The following LRRTM3 variants were observed in gnomAD, a reference collection of about 807,000 sequenced individuals.
LRRTM3 encodes leucine-rich repeat transmembrane neuronal protein 3.
In LRRTM3, 24 loss-of-function variants were observed where a neutral mutation model predicts 44.7. That is an observed-to-expected ratio of 0.54 (90% CI 0.39 to 0.76). The LOEUF (loss-of-function observed/expected upper bound fraction) is 0.76. LRRTM3 is among the 30% of genes least tolerant of loss of function. The pLI is 0.00. For synonymous variants in LRRTM3, 277 were observed against 278.7 expected (o/e 0.99, Z 0.06); for missense variants, 587 against 702.2 (o/e 0.84, Z 1.85).
chr10:67,054,236 T>C (rs1855287700), intron 2 of LRRTM3, among the ~76,000 whole-genome samples: 1 of 152,060 alleles, frequency 6.6e-6, no homozygotes, highest in Admixed American at 6.5e-5. Context: ...ACCCCAATAA[T>C]ATAAATTTGT....
intron 2 of LRRTM3, among the ~76,000 whole-genome samples, chr10:66,961,379 T>C (rs1849101345): frequency 6.6e-6 from 1 of 152,172 alleles, no homozygotes; most frequent in Non-Finnish European, 1.5e-5. Context: ...TCCTCTTACT[T>C]GAACTGTCAG....
At chr10:67,085,364 T>G (rs969813196) in intron 2 of LRRTM3, among the ~76,000 whole-genome samples, 19 of 151,430 alleles carry the variant, frequency 1.3e-4, no homozygotes, top group Admixed American at 1.3e-3. Flanking sequence ...AAATGAACCC[T>G]AATTTGTAAA....
At chr10:66,945,528 G>T (rs10822949) in intron 2 of LRRTM3, among the ~76,000 whole-genome samples, 143,918 of 152,204 alleles carry the variant, frequency 0.95, 68,586 homozygotes, top group East Asian at 1. Context: ...CCACTAAAAT[G>T]TTCTCCATAT....
intron 2 of LRRTM3, among the ~76,000 whole-genome samples, chr10:66,995,052 C>G (rs1851253117): frequency 6.6e-6 from 1 of 152,168 alleles, no homozygotes; most frequent in Non-Finnish European, 1.5e-5. Flanking sequence ...ACTCCTAAAT[C>G]TAGATCTCTA....
intron 2 of LRRTM3, among the ~76,000 whole-genome samples, chr10:66,947,214 G>A (rs1848316681): frequency 6.6e-6 from 1 of 152,072 alleles, no homozygotes; most frequent in African/African-American, 2.4e-5. Context: ...TATGGCCCCA[G>A]GACAGTGTTG....
intron 2 of LRRTM3, among the ~76,000 whole-genome samples, chr10:67,070,808 T>G (rs1856408208): frequency 6.6e-6 from 1 of 152,158 alleles, no homozygotes; most frequent in African/African-American, 2.4e-5. Context: ...ACAAAGATTT[T>G]TCTGCTATGT....
In LRRTM3 at chr10:66,942,548, G is replaced by GTCTCTCTCTC. The variant is rs67598003; in HGVS notation, c.1536+14116_1536+14125dup. On this transcript the variant is annotated intron_variant, in intron 2 of 2. Transcript: ENST00000361320. The stretch of plus-strand genomic sequence containing the variant: ...TCTCTCTTTAAAACATTGCCATAAT[G>GTCTCTCTCTC]TCTCTCTCTCTCTCTCTCTCTCTCT... Among the ~76,000 whole-genome samples, 573 of 148,120 alleles carry GTCTCTCTCTC rather than the reference G, an allele frequency of 3.9e-3. 3 individuals are homozygous for GTCTCTCTCTC. The highest frequency in any genetic ancestry group is 0.014 in the African/African-American group (551 of 40,434).
intron 2 of LRRTM3, among the ~76,000 whole-genome samples, chr10:66,966,609 G>A (rs1849425896): frequency 6.6e-6 from 1 of 151,826 alleles, no homozygotes; most frequent in Admixed American, 6.6e-5. Flanking sequence ...AAATTTAATA[G>A]ATCATACACC....
At chr10:66,932,747 T>C (rs1158122525) in intron 2 of LRRTM3, among the ~76,000 whole-genome samples, 3 of 152,190 alleles carry the variant, frequency 2.0e-5, no homozygotes, top group Admixed American at 2.0e-4. Flanking sequence ...TTCCTAATCA[T>C]AATAGCCTAC....
At chr10:67,027,418 C>CT (rs1215556346) in intron 2 of LRRTM3, among the ~76,000 whole-genome samples, 1 of 145,292 alleles carries the variant, frequency 6.9e-6, no homozygotes, top group East Asian at 2.0e-4. Context: ...AATGACTTGC[C>CT]TTTTTTTTCT....
At chr10:66,949,404 C>T (rs1341172931) in intron 2 of LRRTM3, among the ~76,000 whole-genome samples, 1 of 151,896 alleles carries the variant, frequency 6.6e-6, no homozygotes, top group African/African-American at 2.4e-5. Context: ...TAAAAAAATA[C>T]AAAATTAGCC....
At chr10:66,933,719 T>C (rs1847535592) in intron 2 of LRRTM3, among the ~76,000 whole-genome samples, 1 of 151,852 alleles carries the variant, frequency 6.6e-6, no homozygotes, top group Admixed American at 6.6e-5. Flanking sequence ...AATCACTGGA[T>C]AAAAAGGGGT....
At chr10:66,966,659 A>G (rs1564800201) in intron 2 of LRRTM3, among the ~76,000 whole-genome samples, 1 of 152,108 alleles carries the variant, frequency 6.6e-6, no homozygotes, top group Non-Finnish European at 1.5e-5. Context: ...ACATTTAACC[A>G]AAATAAGATG....
At chr10:67,091,112 C>A (rs1857604193) in intron 2 of LRRTM3, among the ~76,000 whole-genome samples, 2 of 151,924 alleles carry the variant, frequency 1.3e-5, no homozygotes, top group Admixed American at 1.3e-4. Flanking sequence ...ATATAAAGGT[C>A]AAGCTTCATA....
intron 2 of LRRTM3, among the ~76,000 whole-genome samples, chr10:66,963,981 G>T (rs1353336129): frequency 6.6e-6 from 1 of 151,834 alleles, no homozygotes; most frequent in African/African-American, 2.4e-5. Flanking sequence ...CGAGTGGCTG[G>T]GTTTACAGGC....
intron 2 of LRRTM3, among the ~76,000 whole-genome samples, chr10:66,953,068 G>A (rs1489653769): frequency 6.6e-6 from 1 of 152,092 alleles, no homozygotes; most frequent in Non-Finnish European, 1.5e-5. Context: ...CAACTCTAGT[G>A]TACAGAGAAA....
intron 2 of LRRTM3, among the ~76,000 whole-genome samples, chr10:67,060,197 A>C (rs1463706744): frequency 6.6e-6 from 1 of 152,158 alleles, no homozygotes; most frequent in Non-Finnish European, 1.5e-5. Flanking sequence ...ATGCGCCTGT[A>C]GTCTCAGCTA....
At chr10:67,027,608 T>C (rs1408191512) in intron 2 of LRRTM3, among the ~76,000 whole-genome samples, 1 of 151,994 alleles carries the variant, frequency 6.6e-6, no homozygotes, top group Non-Finnish European at 1.5e-5. Flanking sequence ...CTAACTTTTT[T>C]GTATTTTTAG....
chr10:66,943,946 CTT>C (rs1848153105), intron 2 of LRRTM3, among the ~76,000 whole-genome samples: 1 of 152,184 alleles, frequency 6.6e-6, no homozygotes, highest in Middle Eastern at 3.2e-3. Context: ...GAATCACAAT[CTT>C]TTTGCTGGTG....
Sources: allele counts gnomAD v4.1 joint callset (sites outside exome capture counted in the v4.1 genomes callset), GRCh38; gene constraint gnomAD v4.1.1; transcripts MANE v1.5; gene names NCBI Gene and HGNC (gene_info 2026-07-23, HGNC 2026-07-21).